KIAA0319L: variants seen among roughly 807,000 people sequenced by gnomAD.
KIAA0319L encodes the protein dyslexia-associated protein KIAA0319-like protein.
Under a neutral mutation model 120.1 loss-of-function variants are expected in KIAA0319L, and 55 were observed. The ratio of observed to expected loss-of-function variants is 0.46; its 90% CI spans 0.37 to 0.57. The LOEUF is 0.57. Among genes scored for constraint, KIAA0319L ranks in the 20% least tolerant of loss-of-function variants. The pLI is 0.00. For missense variants in KIAA0319L, 1,049 were observed against 1,255.3 expected (o/e 0.84, Z 2.48); for synonymous variants, 398 against 471.9 (o/e 0.84, Z 2.03).
chr1:35,538,526 G>T (rs1028465901), intron 2 of KIAA0319L, among the ~76,000 whole-genome samples: 2 of 140,654 alleles, frequency 1.4e-5, no homozygotes, highest in African/African-American at 2.7e-5. Context: ...GGGAGGTGGA[G>T]ACTGCAGTGA....
At chr1:35,550,847 G>A (rs111848819) in intron 2 of KIAA0319L, among the ~76,000 whole-genome samples, 1 of 152,058 alleles carries the variant, frequency 6.6e-6, no homozygotes, top group African/African-American at 2.4e-5. Flanking sequence ...GACTAGAGAC[G>A]TGTGCCACCA....
chr1:35,537,577 T>G (rs1430348620), intron 2 of KIAA0319L, among the ~76,000 whole-genome samples: 1 of 146,660 alleles, frequency 6.8e-6, no homozygotes, highest in Admixed American at 7.0e-5. Flanking sequence ...ATTTACCCAT[T>G]GAAACTCTCT....
At chr1:35,444,348 C>T in intron 16 of KIAA0319L, 45 bp from the exon 17 acceptor site, 1 of 1,521,280 alleles carries the variant, frequency 6.6e-7, no homozygotes, top group East Asian at 2.4e-5. Flanking sequence ...GCGGTCCATA[C>T]CTGCAGCAAC....
chr1:35,515,078 C>T (rs1379276252), intron 2 of KIAA0319L, among the ~76,000 whole-genome samples: 2 of 151,954 alleles, frequency 1.3e-5, no homozygotes, highest in African/African-American at 4.8e-5. Context: ...TTTGGGAGGC[C>T]GAGGCAGGTG....
intron 2 of KIAA0319L, among the ~76,000 whole-genome samples, chr1:35,537,609 C>T (rs968087979): frequency 1.7e-4 from 22 of 129,424 alleles, no homozygotes; most frequent in African/African-American, 6.7e-4. Flanking sequence ...ATTATGTAAG[C>T]GCCATTAAAA....
chr1:35,450,175 G>A (rs1292594644), intron 14 of KIAA0319L, among the ~76,000 whole-genome samples, 170 bp from the exon 15 acceptor site: 1 of 152,190 alleles, frequency 6.6e-6, no homozygotes, highest in Non-Finnish European at 1.5e-5. Context: ...ATCAGGGAAG[G>A]GAAACCCATT....
At chr1:35,505,669 T>C (rs1645180291) in intron 3 of KIAA0319L, among the ~76,000 whole-genome samples, 1 of 152,208 alleles carries the variant, frequency 6.6e-6, no homozygotes, top group Non-Finnish European at 1.5e-5. Flanking sequence ...ATATTAAATC[T>C]AGGATTGTTC....
chr1:35,493,794 G>A (rs923869370), intron 3 of KIAA0319L, among the ~76,000 whole-genome samples: 4 of 151,804 alleles, frequency 2.6e-5, no homozygotes, highest in African/African-American at 7.2e-5. Flanking sequence ...GCAGAGAGCC[G>A]AGATCACGCC....
At chr1:35,438,750 A>T (rs1640984495) in intron 20 of KIAA0319L, 1 of 152,016 alleles carries the variant, frequency 6.6e-6, no homozygotes, top group Admixed American at 6.5e-5. Flanking sequence ...CCAGCACTTT[A>T]GGAGACCAAG....
chr1:35,451,691 A>G lies in KIAA0319L; in HGVS notation c.1999T>C (p.Leu667=), dbSNP rs752632246. The change falls in exon 13 of 21, where the codon TTG becomes CTG. Residue 667 remains leucine (L), a synonymous_variant. Transcript: ENST00000325722. ...AGGTTCCTCTCATCTTTGACAGTCA[A>G]GGTGAACACATAGGTCCCCACTTGC... ...GLQVGTYVFT[L]TVKDERNLQS... is the part of the protein sequence containing the mutation. The G allele has an allele frequency of 1.9e-6, 3 of 1,614,138 alleles. No homozygotes were observed. The South Asian group carries it at 3.3e-5, about 18-fold the overall frequency.
chr1:35,510,626 A>ATTTATTTG (rs1464473477), intron 2 of KIAA0319L: 1 of 150,258 alleles, frequency 6.7e-6, no homozygotes, highest in African/African-American at 2.5e-5. Context: ...TTATTTATTT[A>ATTTATTTG]GAGACAGGTT....
In KIAA0319L at chr1:35,455,607, G is replaced by A. The variant is rs191039332; in HGVS notation, c.1656+406C>T. Among the ~76,000 whole-genome samples, 438 of 122,926 alleles carry A rather than the reference G, an allele frequency of 3.6e-3. 2 individuals are homozygous for A. Among genetic ancestry groups the A allele is most frequent in the African/African-American group, 0.013 (400 of 30,182 alleles). The allele number at this position is 122,926 out of a possible 152,430, so 80.6% of individuals were successfully genotyped here. A position where few individuals can be genotyped will look rare whatever the true frequency, so the allele number is the denominator to read the frequency against. ...TTTTTTTTTTTTTTTTTGAGATGGA[G>A]TCTTGCTCTGTCACCCAGGCTGGAG... On this transcript the variant is annotated intron_variant, in intron 10 of 20. Transcript: ENST00000325722.
rs191700768 is a variant in KIAA0319L, at chr1:35,442,487, C to A, written c.2780-151G>T. 82 of 669,370 alleles carry A rather than the reference C, an allele frequency of 1.2e-4. 1 individual carries two copies. The African/African-American group carries it at 1.4e-3, about 11-fold the overall frequency. The allele number at this position is 669,370 out of a possible 1,614,324, so 41.5% of individuals were successfully genotyped here. ...GGTAAGACCTTGGAGTTAAGGGCAG[C>A]TGAAGCTTTAAACCTTTTGAAATGT... On this transcript the variant is annotated intron_variant, in intron 18 of 20. Coordinates refer to ENST00000325722, the MANE Select transcript of KIAA0319L (RefSeq NM_024874.5).
Position 35,450,620 on chromosome 1 carries a change from CT to C in KIAA0319L, c.2063-112del, listed in dbSNP as rs1570640748. The C allele has an allele frequency of 1.3e-5, 14 of 1,047,334 alleles. No individual in the cohort carries two copies. The East Asian group carries it at 2.3e-4, about 17-fold the overall frequency. 64.9% of individuals were successfully genotyped at this position (1,047,334 alleles called of 1,614,324 possible). On this transcript the variant is annotated intron_variant, in intron 13 of 20. Transcript: ENST00000325722. ...ATCAAGAGTACCTTAACTGGAGAAC[CT>C]TTTTAAGTGCCTGTCCCTGCCACCA...
rs752925371 is a variant in KIAA0319L at position 35,444,303 on chromosome 1, G to A, written c.2514C>T (p.Ser838=). Reference sequence around the variant, plus strand: ...TTTGAACAAAAAATACCATTTTGGTGCTGCAGAGACATGCAACAGTACTAA... The same window carrying A: ...TTTGAACAAAAAATACCATTTTGGTACTGCAGAGACATGCAACAGTACTAA... ...VQKIQPYTEQ[S]TKMVFFVQNE... The change falls in exon 17 of 21, where the codon AGC becomes AGT. Residue 838 remains serine (S), a splice_region_variant and synonymous_variant. Transcript: ENST00000325722. The A allele has an allele frequency of 1.9e-6, 3 of 1,604,084 alleles. No homozygotes were observed. Among genetic ancestry groups the A allele is most frequent in the Non-Finnish European group, 1.7e-6 (2 of 1,175,960 alleles).
At chr1:35,548,550 A>G (rs1647073436) in intron 2 of KIAA0319L, among the ~76,000 whole-genome samples, 1 of 152,140 alleles carries the variant, frequency 6.6e-6, no homozygotes, top group African/African-American at 2.4e-5. Flanking sequence ...AATCCCTTTA[A>G]CATTTTGTTT....
At chr1:35,470,139 C>T (rs1247884778) in intron 6 of KIAA0319L, among the ~76,000 whole-genome samples, 1 of 152,062 alleles carries the variant, frequency 6.6e-6, no homozygotes, top group Non-Finnish European at 1.5e-5. Context: ...TCCCAAAGTG[C>T]TTGGATTACA....
chr1:35,453,138 T>G lies in KIAA0319L; in HGVS notation c.1913+419A>C, dbSNP rs1642184409. Among the ~76,000 whole-genome samples, 1 of 152,226 alleles carries G rather than the reference T, an allele frequency of 6.6e-6. No individual in the cohort carries two copies. The highest frequency in any genetic ancestry group is 1.5e-5 in the Non-Finnish European group (1 of 68,046). On this transcript the variant is annotated intron_variant, in intron 12 of 20. Transcript: ENST00000325722. The surrounding 1 kb of genome is among the most constrained non-coding windows in gnomAD (Gnocchi z 4.1). ...CAAGAAAACAATAACAGAGTAATGC[T>G]TTCATTTTATGGATGTATTTTCAAT...
At chr1:35,460,874 C>T (rs1275051082) in intron 8 of KIAA0319L, among the ~76,000 whole-genome samples, 1 of 152,158 alleles carries the variant, frequency 6.6e-6, no homozygotes, top group Non-Finnish European at 1.5e-5. Flanking sequence ...ATGGTATAAG[C>T]ATAAACTGAC....
Sources: allele counts gnomAD v4.1 joint callset (sites outside exome capture counted in the v4.1 genomes callset), GRCh38; gene constraint gnomAD v4.1.1; non-coding constraint Gnocchi (gnomAD v3.1); transcripts MANE v1.5; gene names NCBI Gene and HGNC (gene_info 2026-07-23, HGNC 2026-07-21).